Variants in ASIC2 observed in about 807,000 individuals in gnomAD.
The protein encoded by ASIC2 is acid sensing ion channel subunit 2.
A neutral mutation model predicts 57.3 loss-of-function variants in ASIC2; 25 were observed. The observed-to-expected ratio is 0.44, with a 90% CI of 0.32 to 0.61. The LOEUF (loss-of-function observed/expected upper bound fraction) is 0.61, where lower values mean the gene tolerates loss of function less well. Among genes scored for constraint, ASIC2 ranks in the 20% least tolerant of loss-of-function variants. The probability of loss-of-function intolerance (pLI) is 0.06; values close to 1 mark genes in which losing one functional copy is unlikely to be tolerated. For missense variants in ASIC2, 641 were observed against 738.1 expected (o/e 0.87, Z 1.52); for synonymous variants, 319 against 307.5 (o/e 1.04, Z -0.39).
chr17:33,123,243 G>A (rs530436979), intron 1 of ASIC2, among the ~76,000 whole-genome samples: 1 of 152,252 alleles, frequency 6.6e-6, no homozygotes, highest in Admixed American at 6.5e-5. Context: ...AACAACCAGA[G>A]CACCCATCAA....
chr17:33,136,602 T>C lies in ASIC2; in HGVS notation c.709-24535A>G, dbSNP rs2092368022. On this transcript the variant is annotated intron_variant, in intron 1 of 9. Transcript: ENST00000225823. Reference sequence around the variant, plus strand: ...GTGATGTGATTTGTGTGTGTGTGAGTTGGGGAAAGATGAGAAGAAAGAATT... The same window carrying C: ...GTGATGTGATTTGTGTGTGTGTGAGCTGGGGAAAGATGAGAAGAAAGAATT... 2.6e-5 allele frequency among the ~76,000 whole-genome samples: 4 copies of C among 152,272 alleles called. No individual in the cohort carries two copies. In the South Asian group the frequency reaches 8.3e-4, roughly 32 times the overall value.
At chr17:33,718,783 C>G (rs1425940850) in intron 1 of ASIC2, among the ~76,000 whole-genome samples, 5 of 152,130 alleles carry the variant, frequency 3.3e-5, no homozygotes, top group African/African-American at 1.2e-4. Flanking sequence ...ACACTCAGGG[C>G]TCAGTTCCCC....
chr17:33,690,837 C>A (rs945455252), intron 1 of ASIC2, among the ~76,000 whole-genome samples: 1 of 150,028 alleles, frequency 6.7e-6, no homozygotes, highest in African/African-American at 2.5e-5. Context: ...GCAAGCTCCA[C>A]CTCCCAGATT....
chr17:34,110,892 C>T (rs1911247926), intron 1 of ASIC2, among the ~76,000 whole-genome samples: 1 of 152,098 alleles, frequency 6.6e-6, no homozygotes, highest in South Asian at 2.1e-4. Context: ...GTAAAGGGCA[C>T]AGGGCTCTTT....
chr17:33,172,657 C>T (rs551078762), intron 1 of ASIC2, among the ~76,000 whole-genome samples: 22 of 152,292 alleles, frequency 1.4e-4, no homozygotes, highest in African/African-American at 4.1e-4. Flanking sequence ...TCAGAGTTCA[C>T]GAGAACTTCT....
At chr17:33,828,370 CA>C (rs1004005783) in intron 1 of ASIC2, 70 of 152,220 alleles carry the variant, frequency 4.6e-4, no homozygotes, top group African/African-American at 1.6e-3. Context: ...CATTGGTGCA[CA>C]ATATGGAAAG....
At chr17:33,510,580 T>A (rs1914401037) in intron 1 of ASIC2, among the ~76,000 whole-genome samples, 1 of 152,062 alleles carries the variant, frequency 6.6e-6, no homozygotes, top group African/African-American at 2.4e-5. Context: ...TGCAGTGAGT[T>A]GTGATGGTGC....
At chr17:33,956,857 G>A (rs1260175239) in intron 1 of ASIC2, among the ~76,000 whole-genome samples, 2 of 152,184 alleles carry the variant, frequency 1.3e-5, no homozygotes, top group Admixed American at 6.5e-5. Context: ...GGTTCTGATG[G>A]CATATGCCTC....
At chr17:34,065,524 A>G (rs1259350405) in intron 1 of ASIC2, among the ~76,000 whole-genome samples, 1 of 152,204 alleles carries the variant, frequency 6.6e-6, no homozygotes, top group East Asian at 1.9e-4. Flanking sequence ...TAAAAAAATA[A>G]AACATATTTT....
intron 1 of ASIC2, among the ~76,000 whole-genome samples, chr17:33,886,312 T>A (rs938573002): frequency 2.6e-5 from 4 of 152,224 alleles, no homozygotes; most frequent in Admixed American, 2.6e-4. Flanking sequence ...CGACCCTTTT[T>A]GATGTCAGGG....
At chr17:33,467,825 C>G (rs1254164678) in intron 1 of ASIC2, among the ~76,000 whole-genome samples, 2 of 152,222 alleles carry the variant, frequency 1.3e-5, no homozygotes, top group African/African-American at 4.8e-5. Context: ...CATATATTGA[C>G]TGATGTCTAA....
intron 1 of ASIC2, among the ~76,000 whole-genome samples, chr17:33,780,304 G>A (rs1229640337): frequency 6.6e-6 from 1 of 152,062 alleles, no homozygotes; most frequent in Non-Finnish European, 1.5e-5. Flanking sequence ...AGGCTATGCT[G>A]CCTCCCCTGG....
intron 1 of ASIC2, among the ~76,000 whole-genome samples, chr17:33,504,696 T>G (rs1914198202): frequency 6.6e-6 from 1 of 152,204 alleles, no homozygotes; most frequent in African/African-American, 2.4e-5. Flanking sequence ...TCCTGGTGAC[T>G]GTTCAGCTTC....
At chr17:33,968,364 C>T (rs571670074) in intron 1 of ASIC2, among the ~76,000 whole-genome samples, 36 of 152,242 alleles carry the variant, frequency 2.4e-4, no homozygotes, top group Admixed American at 1.7e-3. Context: ...AAATAAAGCC[C>T]GCCTGCAACT....
chr17:33,291,610 G>A lies in ASIC2; in HGVS notation c.506C>T (p.Pro169Leu). The A allele has an allele frequency of 1.2e-6, 2 of 1,608,364 alleles. No individual in the cohort carries two copies. The highest frequency in any genetic ancestry group is 8.5e-7 in the Non-Finnish European group (1 of 1,178,100). ...GCCCCGCAGCAGCTCGCTGACAAGC[G>A]GGCGCGCGGTGCGGTTGGGCAGCAG... ...GLLLPNRTARPLVSELLRGDE... is the reference protein window; with the variant it reads ...GLLLPNRTARLLVSELLRGDE... The change falls in exon 1 of 10, where the codon CCG (proline) becomes CTG (leucine). Residue 169 changes from proline (P) to leucine (L), a missense_variant. This residue lies in a region of ASIC2 where 382 missense variants were observed against 398.0 expected (regional missense o/e 0.96). Coordinates refer to ENST00000225823, the MANE Select transcript of ASIC2 (RefSeq NM_183377.2).
At position 33,499,916 on chromosome 17, in the gene ASIC2, G is replaced by A. The variant is rs62055329; in HGVS notation, c.556-387849C>T. 2.8e-3 allele frequency among the ~76,000 whole-genome samples: 425 copies of A among 152,228 alleles called. 3 individuals carry two copies. Among genetic ancestry groups the A allele is most frequent in the East Asian group, 7.3e-3 (38 of 5,174 alleles). ...TGTTGGCATACCTGCATCAGGCCGC[G>A]GCCAGAGCTAGCTCTCCTTCTAGAC... is the stretch of plus-strand genomic sequence containing the variant. On this transcript the variant is annotated intron_variant, in intron 1 of 9. Transcript: ENST00000359872.
chr17:33,451,687 A>G (rs918237734), intron 1 of ASIC2, among the ~76,000 whole-genome samples: 2 of 152,166 alleles, frequency 1.3e-5, no homozygotes, highest in African/African-American at 4.8e-5. Flanking sequence ...ACTAGTTATA[A>G]GTTTGAAACA....
chr17:33,720,809 G>T (rs779984125), intron 1 of ASIC2, among the ~76,000 whole-genome samples: 10 of 152,138 alleles, frequency 6.6e-5, no homozygotes, highest in African/African-American at 2.4e-4. Context: ...GGGAGATCAC[G>T]GAGTAATGCA....
chr17:33,653,904 G>A (rs1906999143), intron 1 of ASIC2, among the ~76,000 whole-genome samples: 1 of 152,154 alleles, frequency 6.6e-6, no homozygotes, highest in African/African-American at 2.4e-5. Flanking sequence ...GACAATCTGT[G>A]TACATAATCT....
Sources: gnomAD v4.1 joint callset for allele counts (sites outside exome capture counted in the v4.1 genomes callset) on GRCh38, gnomAD v4.1.1 for gene constraint, gnomAD v4.1.1 regional missense constraint, MANE v1.5 for transcripts, NCBI Gene and HGNC (gene_info 2026-07-23, HGNC 2026-07-21) for gene names.